ERP44: variants seen among roughly 807,000 people sequenced by gnomAD.
ERP44 encodes endoplasmic reticulum resident protein 44.
A neutral mutation model predicts 53.4 loss-of-function variants in ERP44; 25 were observed. The observed-to-expected ratio is 0.47, with a 90% confidence interval of 0.34 to 0.65. ERP44 has a LOEUF of 0.65. Ranked by LOEUF, ERP44 falls within the 30% of genes least tolerant of loss-of-function variation. The probability of loss-of-function intolerance (pLI) is 0.01; values close to 1 mark genes in which losing one functional copy is unlikely to be tolerated. For missense variants in ERP44, 338 were observed against 493.2 expected (o/e 0.69, Z 2.98); for synonymous variants, 145 against 161.2 (o/e 0.90, Z 0.76).
At chr9:100,052,915 T>A (rs1826053233) in intron 3 of ERP44, among the ~76,000 whole-genome samples, 1 of 152,200 alleles carries the variant, frequency 6.6e-6, no homozygotes, top group African/African-American at 2.4e-5. Context: ...TTCTCTATTT[T>A]ATTTATTTTT....
chr9:100,035,281 A>G (rs1375422837), intron 4 of ERP44, among the ~76,000 whole-genome samples: 1 of 152,228 alleles, frequency 6.6e-6, no homozygotes, highest in Admixed American at 6.5e-5. Context: ...AAGGAAGCAA[A>G]CAAACAACCT....
intron 1 of ERP44, among the ~76,000 whole-genome samples, chr9:100,083,806 T>C (rs372993153): frequency 9.2e-5 from 14 of 152,242 alleles, no homozygotes; most frequent in East Asian, 7.7e-4. Flanking sequence ...AAAAGTGAAA[T>C]TGAATAGTGG....
chr9:100,077,694 T>G (rs1474491556), intron 1 of ERP44, among the ~76,000 whole-genome samples: 1 of 152,190 alleles, frequency 6.6e-6, no homozygotes, highest in Non-Finnish European at 1.5e-5. Context: ...AGCTGGACAC[T>G]TTGAACTCCT....
intron 4 of ERP44, among the ~76,000 whole-genome samples, chr9:100,043,866 G>A (rs977238162): frequency 6.6e-6 from 1 of 152,128 alleles, no homozygotes; most frequent in Admixed American, 6.5e-5. Context: ...AAGTTCTAGT[G>A]TTGTTCTACA....
chr9:100,098,526 G>A (rs925876236), intron 1 of ERP44, among the ~76,000 whole-genome samples: 2 of 152,188 alleles, frequency 1.3e-5, no homozygotes, highest in Non-Finnish European at 1.5e-5. Context: ...CGGGGAGAAG[G>A]GGAAGCTCCT....
At chr9:100,059,463 A>G (rs1260669628) in intron 2 of ERP44, among the ~76,000 whole-genome samples, 1 of 152,178 alleles carries the variant, frequency 6.6e-6, no homozygotes, top group East Asian at 1.9e-4. Flanking sequence ...AGATGAGAGG[A>G]CTGCTTGAGG....
At chr9:100,018,465 T>C in intron 6 of ERP44, 152 bp from the exon 7 acceptor site, 1 of 580,284 alleles carries the variant, frequency 1.7e-6, no homozygotes, top group African/African-American at 1.9e-5. Context: ...ACGTTTAATA[T>C]GAGGCAGACT....
At chr9:100,063,927 A>G (rs1170334430) in intron 1 of ERP44, among the ~76,000 whole-genome samples, 1 of 152,186 alleles carries the variant, frequency 6.6e-6, no homozygotes, top group Non-Finnish European at 1.5e-5. Context: ...CTCATATAAA[A>G]AGGCATACCA....
chr9:100,062,258 T>C (rs770197336), intron 1 of ERP44, among the ~76,000 whole-genome samples: 1 of 152,228 alleles, frequency 6.6e-6, no homozygotes, highest in Non-Finnish European at 1.5e-5. Context: ...GTAAAACTTA[T>C]ATTAAATAAA....
At chr9:100,002,640 G>A (rs1564087436) in intron 10 of ERP44, among the ~76,000 whole-genome samples, 1 of 152,136 alleles carries the variant, frequency 6.6e-6, no homozygotes, top group Non-Finnish European at 1.5e-5. Context: ...AGCTGTACTG[G>A]AACTCCCCTT....
intron 1 of ERP44, among the ~76,000 whole-genome samples, chr9:100,094,903 T>C (rs1390720501): frequency 3.3e-5 from 5 of 149,960 alleles, no homozygotes; most frequent in African/African-American, 9.8e-5. Flanking sequence ...GCCTCAGAGG[T>C]TGAGGCTGCA....
chr9:99,993,125 G>C (rs896767472), intron 10 of ERP44, among the ~76,000 whole-genome samples: 7 of 152,128 alleles, frequency 4.6e-5, no homozygotes, highest in African/African-American at 1.7e-4. Context: ...TCCCCATCAA[G>C]CTACCAGTGA....
intron 3 of ERP44, among the ~76,000 whole-genome samples, chr9:100,056,415 T>A (rs1397863209): frequency 6.6e-6 from 1 of 152,236 alleles, no homozygotes; most frequent in Non-Finnish European, 1.5e-5. Flanking sequence ...ATTATGTACT[T>A]ATCAGCCACA....
At chr9:100,010,915 A>G (rs1156445288) in intron 8 of ERP44, among the ~76,000 whole-genome samples, 1 of 151,498 alleles carries the variant, frequency 6.6e-6, no homozygotes, top group African/African-American at 2.4e-5. Flanking sequence ...AAAAAAAAAA[A>G]AGAGAAAAGC....
At chr9:100,029,694 G>A (rs1825759113) in intron 4 of ERP44, among the ~76,000 whole-genome samples, 2 of 152,298 alleles carry the variant, frequency 1.3e-5, no homozygotes, top group South Asian at 4.1e-4. Flanking sequence ...AAGGAAATCA[G>A]TATAGCAAGG....
chr9:100,076,063 G>A (rs1050245022), intron 1 of ERP44, among the ~76,000 whole-genome samples: 1 of 152,190 alleles, frequency 6.6e-6, no homozygotes, highest in Non-Finnish European at 1.5e-5. Context: ...GCCATCTTCT[G>A]CAGATAACTA....
At chr9:100,088,061 C>CA (rs573831007) in intron 1 of ERP44, among the ~76,000 whole-genome samples, 102 of 151,970 alleles carry the variant, frequency 6.7e-4, no homozygotes, top group Middle Eastern at 3.4e-3. Flanking sequence ...ATCAAAACAA[C>CA]AAAGGCTACT....
intron 10 of ERP44, among the ~76,000 whole-genome samples, chr9:99,988,494 G>A (rs1431094160): frequency 6.6e-6 from 1 of 152,128 alleles, no homozygotes; most frequent in Non-Finnish European, 1.5e-5. Flanking sequence ...ACCATCTCTT[G>A]AAAAGACTAT....
intron 10 of ERP44, chr9:99,998,695 T>C (rs1434766794): frequency 2.7e-6 from 2 of 731,978 alleles, no homozygotes; most frequent in Non-Finnish European, 5.0e-6. Context: ...CTTACTTCTC[T>C]GCAATTTTCT....
Sources: gnomAD v4.1 joint callset for allele counts (sites outside exome capture counted in the v4.1 genomes callset) on GRCh38, gnomAD v4.1.1 for gene constraint, MANE v1.5 for transcripts, NCBI Gene and HGNC (gene_info 2026-07-23, HGNC 2026-07-21) for gene names.